Variants in ZNF385D observed in about 807,000 individuals in gnomAD.
ZNF385D encodes zinc finger protein 385D.
In ZNF385D, 15 loss-of-function variants were observed where a neutral mutation model predicts 35.8. The observed-to-expected ratio is 0.42, with a 90% CI of 0.28 to 0.64. The LOEUF is 0.64. Ranked by LOEUF, ZNF385D falls within the 30% of genes least tolerant of loss-of-function variation. The pLI is 0.23. For synonymous variants in ZNF385D, 212 were observed against 186.8 expected, an observed-to-expected ratio of 1.13 and a Z score of -1.10; for missense variants, 474 against 494.6, an observed-to-expected ratio of 0.96 and a Z score of 0.39.
intron 3 of ZNF385D, among the ~76,000 whole-genome samples, chr3:22,071,100 G>T (rs1174032606): frequency 6.6e-6 from 1 of 152,126 alleles, no homozygotes; most frequent in African/African-American, 2.4e-5. Flanking sequence ...ACATAGCTCA[G>T]TCCTGGATAC....
chr3:21,942,417 G>C (rs1701566329), intron 3 of ZNF385D: 2 of 152,294 alleles, frequency 1.3e-5, no homozygotes, highest in African/African-American at 4.8e-5. Context: ...CAGAATGTAA[G>C]GACTCATCCT....
At chr3:22,002,874 T>A (rs909583918) in intron 3 of ZNF385D, among the ~76,000 whole-genome samples, 1 of 152,000 alleles carries the variant, frequency 6.6e-6, no homozygotes, top group African/African-American at 2.4e-5. Context: ...AAATTCAACA[T>A]CCCTTCATGA....
chr3:21,875,791 A>G (rs1306828117), intron 3 of ZNF385D, among the ~76,000 whole-genome samples: 1 of 151,042 alleles, frequency 6.6e-6, no homozygotes, highest in Non-Finnish European at 1.5e-5. Context: ...GATCATCATC[A>G]TTCCAGCTCT....
At chr3:22,285,279 A>T (rs1037812871) in intron 2 of ZNF385D, among the ~76,000 whole-genome samples, 7 of 152,160 alleles carry the variant, frequency 4.6e-5, no homozygotes, top group African/African-American at 1.7e-4. Context: ...CCTCCACCAC[A>T]TTCCTTTCTG....
chr3:21,991,714 T>C (rs1003190029), intron 3 of ZNF385D, among the ~76,000 whole-genome samples: 1 of 152,170 alleles, frequency 6.6e-6, no homozygotes. Flanking sequence ...ATTATCAGGA[T>C]TGCTTCATGG....
chr3:21,858,423 C>G (rs1696856975), intron 3 of ZNF385D, among the ~76,000 whole-genome samples: 1 of 151,678 alleles, frequency 6.6e-6, no homozygotes, highest in East Asian at 1.9e-4. Flanking sequence ...ATGTTTAAAC[C>G]TAATCCCCAG....
intron 3 of ZNF385D, among the ~76,000 whole-genome samples, chr3:21,999,510 C>G (rs1438697618): frequency 1.3e-5 from 2 of 152,164 alleles, no homozygotes; most frequent in Non-Finnish European, 2.9e-5. Flanking sequence ...TGTCAATATT[C>G]TCATCAAATT....
intron 3 of ZNF385D, among the ~76,000 whole-genome samples, chr3:21,899,111 T>C (rs1392676038): frequency 4.6e-5 from 7 of 152,232 alleles, no homozygotes; most frequent in Non-Finnish European, 8.8e-5. Context: ...CTGGAGATAT[T>C]CCTGGCTGTC....
chr3:21,930,048 A>G (rs1700923386), intron 3 of ZNF385D, among the ~76,000 whole-genome samples: 1 of 152,120 alleles, frequency 6.6e-6, no homozygotes, highest in Non-Finnish European at 1.5e-5. Context: ...AAAACTTGCT[A>G]CAAAGCTACA....
chr3:22,007,199 A>C (rs1398689221), intron 3 of ZNF385D, among the ~76,000 whole-genome samples: 2 of 152,146 alleles, frequency 1.3e-5, no homozygotes, highest in African/African-American at 2.4e-5. Context: ...CATTGTCCTT[A>C]GTGTTTGTTT....
chr3:21,793,091 T>C (rs1389589985), intron 3 of ZNF385D, among the ~76,000 whole-genome samples: 1 of 152,172 alleles, frequency 6.6e-6, no homozygotes, highest in Non-Finnish European at 1.5e-5. Flanking sequence ...ATTTGTGAAA[T>C]AATCTTACTA....
chr3:22,224,958 T>C (rs770055165), intron 2 of ZNF385D, among the ~76,000 whole-genome samples: 1 of 152,146 alleles, frequency 6.6e-6, no homozygotes, highest in Non-Finnish European at 1.5e-5. Flanking sequence ...AAACATATAA[T>C]CAGAACATCT....
rs146723218 is a variant in ZNF385D at position 21,568,915 on chromosome 3, A to G, written c.166-4231T>C. On this transcript the variant is annotated intron_variant, in intron 2 of 7. Transcript: ENST00000281523. Reference sequence around the variant, plus strand: ...CCTGTGCAGCACTGAATTAAAAACAAAAGAAATGGTAAAATCTGCATGGTA... The same window carrying G: ...CCTGTGCAGCACTGAATTAAAAACAGAAGAAATGGTAAAATCTGCATGGTA... Among the ~76,000 whole-genome samples the G allele has an allele frequency of 3.4e-3, 517 of 152,350 alleles. 2 individuals are homozygous for G. The highest frequency in any genetic ancestry group is 0.012 in the African/African-American group (491 of 41,592).
chr3:21,417,093 A>G lies in ZNF385D; in HGVS notation c.*4121T>C, dbSNP rs1700573230. On this transcript the variant is annotated 3_prime_UTR_variant, in exon 8 of 8. Transcript: ENST00000281523. ...TACATTCTGGTTGAGCATATGAATG[A>G]CCTACAATATGGCTTACACTCAGGA... The G allele has an allele frequency of 6.6e-6, 1 of 152,092 alleles. No homozygotes were observed. 9.4% of individuals were successfully genotyped at this position (152,092 alleles called of 1,614,324 possible).
intron 2 of ZNF385D, among the ~76,000 whole-genome samples, chr3:21,602,395 AAATG>A (rs1214765268): frequency 3.9e-5 from 6 of 152,060 alleles, no homozygotes; most frequent in Non-Finnish European, 5.9e-5. Flanking sequence ...TGAAAATAAT[AAATG>A]AATGGGCACA....
intron 3 of ZNF385D, among the ~76,000 whole-genome samples, chr3:21,952,046 C>T (rs1468254314): frequency 6.7e-6 from 1 of 149,330 alleles, no homozygotes; most frequent in African/African-American, 2.6e-5. Flanking sequence ...CTGTCTTGAG[C>T]AAAGAACAAT....
chr3:22,091,525 A>C lies in ZNF385D; in HGVS notation c.325+77292T>G, dbSNP rs532084754. Among the ~76,000 whole-genome samples, 8 of 152,158 alleles carry C rather than the reference A, an allele frequency of 5.3e-5. No individual in the cohort carries two copies. The East Asian group carries it at 1.5e-3, about 29-fold the overall frequency. ...AGATCTTCGGCAGTGTCCACTGAAC[A>C]CTGTGTTCCTAGGAATGAAATACAT... On this transcript the variant is annotated intron_variant, in intron 3 of 5. Coordinates refer to the ZNF385D transcript ENST00000494108.
chr3:21,811,308 G>T (rs150141413), intron 3 of ZNF385D, among the ~76,000 whole-genome samples: 1,608 of 152,086 alleles, frequency 0.011, 26 homozygotes, highest in African/African-American at 0.037. Context: ...AGAGAAACCA[G>T]AACTTTTTGG....
chr3:21,945,336 T>C, intron 3 of ZNF385D, among the ~76,000 whole-genome samples: 1 of 152,130 alleles, frequency 6.6e-6, no homozygotes, highest in Non-Finnish European at 1.5e-5. Context: ...AAAAATTTTT[T>C]AACCAATGTG....
Sources: gnomAD v4.1 joint callset for allele counts (sites outside exome capture counted in the v4.1 genomes callset) on GRCh38, gnomAD v4.1.1 for gene constraint, MANE v1.5 for transcripts, NCBI Gene and HGNC (gene_info 2026-07-23, HGNC 2026-07-21) for gene names.